NKAIN3: variants seen among roughly 807,000 people sequenced by gnomAD.
NKAIN3 encodes the protein sodium/potassium transporting ATPase interacting 3, also known as sodium/potassium-transporting ATPase subunit beta-1-interacting protein 3.
A neutral mutation model predicts 30.2 loss-of-function variants in NKAIN3; 25 were observed. That is an observed-to-expected ratio of 0.83 (90% CI 0.60 to 1.16). The LOEUF (loss-of-function observed/expected upper bound fraction) is 1.16, where lower values mean the gene tolerates loss of function less well. Ranked by LOEUF, NKAIN3 falls within the 50% of genes most tolerant of loss-of-function variation. NKAIN3 has a pLI of 0.00. For missense variants in NKAIN3, 225 were observed against 254.1 expected (o/e 0.89, Z 0.78); for synonymous variants, 91 against 89.6 (o/e 1.02, Z -0.09).
At chr8:62,678,968 T>C (rs560527968) in intron 3 of NKAIN3, among the ~76,000 whole-genome samples, 2 of 152,082 alleles carry the variant, frequency 1.3e-5, no homozygotes, top group Admixed American at 6.6e-5. Flanking sequence ...TCTTAAGATA[T>C]ATGAAAAAAG....
At chr8:62,684,736 A>AATAG (rs1219066995) in intron 3 of NKAIN3, among the ~76,000 whole-genome samples, 1 of 152,226 alleles carries the variant, frequency 6.6e-6, no homozygotes, top group African/African-American at 2.4e-5. Context: ...TAGGTAATTA[A>AATAG]GTTAGAATGA....
intron 1 of NKAIN3, among the ~76,000 whole-genome samples, chr8:62,303,474 G>T (rs1814123828): frequency 6.6e-6 from 1 of 150,642 alleles, no homozygotes; most frequent in Non-Finnish European, 1.5e-5. Context: ...GCTAATTGCA[G>T]AATAGATTGT....
At chr8:62,514,204 A>G (rs1009582389) in intron 1 of NKAIN3, among the ~76,000 whole-genome samples, 1 of 152,156 alleles carries the variant, frequency 6.6e-6, no homozygotes, top group Non-Finnish European at 1.5e-5. Context: ...ATTCTATGAC[A>G]TCCACTCATG....
intron 4 of NKAIN3, among the ~76,000 whole-genome samples, chr8:62,885,748 T>C (rs1238776059): frequency 1.3e-5 from 2 of 152,238 alleles, no homozygotes; most frequent in East Asian, 1.9e-4. Flanking sequence ...ACTTTATCCC[T>C]GATAATTTTC....
At chr8:62,611,685 A>T (rs1333391180) in intron 3 of NKAIN3, among the ~76,000 whole-genome samples, 4 of 152,092 alleles carry the variant, frequency 2.6e-5, no homozygotes, top group African/African-American at 9.7e-5. Flanking sequence ...AAATCTGTTC[A>T]TCTGTTGATG....
intron 4 of NKAIN3, among the ~76,000 whole-genome samples, chr8:62,907,465 T>C (rs1011509859): frequency 4.6e-5 from 7 of 152,158 alleles, no homozygotes; most frequent in African/African-American, 1.7e-4. Context: ...TGTTAATTGC[T>C]GGAACAATGG....
chr8:62,801,803 A>C (rs1471767361), intron 4 of NKAIN3, among the ~76,000 whole-genome samples: 1 of 152,376 alleles, frequency 6.6e-6, no homozygotes, highest in East Asian at 1.9e-4. Context: ...AGAAGGCTTC[A>C]GACAATCAAA....
chr8:62,367,145 T>C (rs1445479113), intron 1 of NKAIN3, among the ~76,000 whole-genome samples: 1 of 152,212 alleles, frequency 6.6e-6, no homozygotes, highest in Non-Finnish European at 1.5e-5. Flanking sequence ...TCAAGTGTGC[T>C]TCAGAACAAT....
chr8:62,614,950 C>T (rs554801180), intron 3 of NKAIN3, among the ~76,000 whole-genome samples: 27 of 152,316 alleles, frequency 1.8e-4, no homozygotes, highest in African/African-American at 6.5e-4. Flanking sequence ...GGAGTCAATT[C>T]CTGGAATCAG....
intron 4 of NKAIN3, among the ~76,000 whole-genome samples, chr8:62,805,144 A>T (rs532538500): frequency 0.014 from 2,090 of 152,194 alleles, 47 homozygotes; most frequent in African/African-American, 0.049. Flanking sequence ...GCTCAATGAA[A>T]TAAAAGAGGA....
Position 62,883,458 on chromosome 8 carries a change from T to TTG in NKAIN3, c.472-34994_472-34993insGT, listed in dbSNP as rs779911371. Among the ~76,000 whole-genome samples the TTG allele has an allele frequency of 6.3e-5, 2 of 31,510 alleles. 1 individual carries two copies. Among genetic ancestry groups the TTG allele is most frequent in the Non-Finnish European group, 1.2e-4 (2 of 17,080 alleles). The allele number at this position is 31,510 out of a possible 152,430, so 20.7% of individuals were successfully genotyped here. On this transcript the variant is annotated intron_variant, in intron 4 of 6. Coordinates refer to ENST00000623646, the MANE Select transcript of NKAIN3 (RefSeq NM_001304533.3). ...TTATTATTTCCAGGAGTTTTATGGG[T>TTG]TTTTTTTTTTTTTTTCAGATTTTCT...
intron 1 of NKAIN3, among the ~76,000 whole-genome samples, chr8:62,450,144 G>A (rs1394226552): frequency 1.3e-5 from 2 of 152,150 alleles, no homozygotes; most frequent in Non-Finnish European, 2.9e-5. Flanking sequence ...AAAATTATGT[G>A]AGAATGATGT....
At chr8:62,862,411 C>T (rs919509988) in intron 4 of NKAIN3, among the ~76,000 whole-genome samples, 8 of 151,594 alleles carry the variant, frequency 5.3e-5, no homozygotes, top group African/African-American at 1.9e-4. Context: ...CTAAAGTGCA[C>T]TTATATTTAA....
At chr8:62,859,031 C>T (rs370857796) in intron 4 of NKAIN3, among the ~76,000 whole-genome samples, 157 of 152,304 alleles carry the variant, frequency 1.0e-3, no homozygotes, top group Middle Eastern at 3.4e-3. Flanking sequence ...TGCCAAGACT[C>T]CACATAGCTC....
intron 1 of NKAIN3, among the ~76,000 whole-genome samples, chr8:62,337,193 A>G (rs1402592263): frequency 6.6e-6 from 1 of 152,060 alleles, no homozygotes; most frequent in Non-Finnish European, 1.5e-5. Flanking sequence ...CTAGAAATGC[A>G]CAACATATCA....
chr8:62,912,012 C>T (rs1821937071), intron 4 of NKAIN3, among the ~76,000 whole-genome samples: 1 of 152,066 alleles, frequency 6.6e-6, no homozygotes, highest in South Asian at 2.1e-4. Context: ...AGAAATGCGG[C>T]CTTAGGCGAT....
chr8:62,657,175 G>A (rs1812786387), intron 3 of NKAIN3, among the ~76,000 whole-genome samples: 1 of 152,110 alleles, frequency 6.6e-6, no homozygotes, highest in Non-Finnish European at 1.5e-5. Context: ...AACTATCTGA[G>A]TATATCTGAA....
chr8:62,981,036 T>A lies in NKAIN3; in HGVS notation c.*15629T>A, dbSNP rs1824063047. 6.6e-6 allele frequency: 1 copy of A among 152,198 alleles called. No individual in the cohort carries two copies. The highest frequency in any genetic ancestry group is 2.1e-4 in the South Asian group (1 of 4,822). The allele number at this position is 152,198 out of a possible 1,614,324, so 9.4% of individuals were successfully genotyped here. On this transcript the variant is annotated 3_prime_UTR_variant, in exon 7 of 7. Transcript: ENST00000623646. Reference sequence around the variant, plus strand: ...TGGTCTGAAGACTCAGAGCTTAAATTGCATTGGTCCTGTTAATCTTTGTCA... The same window carrying A: ...TGGTCTGAAGACTCAGAGCTTAAATAGCATTGGTCCTGTTAATCTTTGTCA...
At chr8:62,493,751 G>A (rs1280637834) in intron 1 of NKAIN3, among the ~76,000 whole-genome samples, 1 of 152,098 alleles carries the variant, frequency 6.6e-6, no homozygotes, top group Admixed American at 6.5e-5. Flanking sequence ...TGCCTCTGTT[G>A]TTAGCTGTAC....
Sources: allele counts gnomAD v4.1 joint callset (sites outside exome capture counted in the v4.1 genomes callset), GRCh38; gene constraint gnomAD v4.1.1; transcripts MANE v1.5; gene names NCBI Gene and HGNC (gene_info 2026-07-23, HGNC 2026-07-21).